Variants in CA3 observed in about 807,000 individuals in gnomAD.
CA3 encodes CA-III.
A neutral mutation model predicts 35.7 loss-of-function variants in CA3; 30 were observed. The ratio of observed to expected loss-of-function variants is 0.84; its 90% CI spans 0.63 to 1.14. The LOEUF (loss-of-function observed/expected upper bound fraction) is 1.14, where lower values mean the gene tolerates loss of function less well. Ranked by LOEUF, CA3 falls within the 50% of genes most tolerant of loss-of-function variation. The probability of loss-of-function intolerance (pLI) is 0.00; values close to 1 mark genes in which losing one functional copy is unlikely to be tolerated. For synonymous variants in CA3, 131 were observed against 130.8 expected (o/e 1.00, Z -0.01); for missense variants, 295 against 328.5 (o/e 0.90, Z 0.79).
intron 6 of CA3, 96 bp downstream of exon 6, chr8:85,446,393 C>T (rs1397274461): frequency 7.4e-7 from 1 of 1,344,632 alleles, no homozygotes; most frequent in Non-Finnish European, 1.0e-6. Flanking sequence ...ACTGGATACT[C>T]ACTGAACAGC....
Position 85,448,095 on chromosome 8 carries a change from G to C in CA3, c.725G>C (p.Ser242Thr). 1 of 1,613,780 alleles carries C rather than the reference G, an allele frequency of 6.2e-7. No individual in the cohort carries two copies. Among genetic ancestry groups the C allele is most frequent in the Non-Finnish European group, 8.5e-7 (1 of 1,179,844 alleles). ...AENEPPVPLV[S>T]NWRPPQPINN... The stretch of plus-strand genomic sequence containing the variant: ...AACGAGCCCCCAGTGCCTCTTGTGA[G>C]CAACTGGCGACCTCCACAGCCTATC... The change falls in exon 7 of 7, where the codon AGC becomes ACC. Residue 242 changes from serine (S) to threonine (T), a missense_variant. Physicochemically the swap from Ser to Thr is moderately conservative, Grantham distance 58. Transcript: ENST00000285381.
chr8:85,447,206 T>G (rs936302413), intron 6 of CA3, among the ~76,000 whole-genome samples: 7 of 152,132 alleles, frequency 4.6e-5, no homozygotes, highest in African/African-American at 1.7e-4. Flanking sequence ...AGAATCATAG[T>G]GTTATTAATG....
At position 85,445,232 on chromosome 8, in the gene CA3, A is replaced by G. The variant is rs747855307; in HGVS notation, c.507+14A>G. The stretch of plus-strand genomic sequence containing the variant: ...ATTAAGACAAAGGTAAACAAAAATC[A>G]TTTTCCCTCCTAAAACATAAAGCAG... On this transcript the variant is annotated intron_variant, in intron 5 of 6. Coordinates refer to ENST00000285381, the MANE Select transcript of CA3 (RefSeq NM_005181.4). 1.9e-6 allele frequency: 3 copies of G among 1,541,660 alleles called. No homozygotes were observed. The Admixed American group carries it at 5.5e-5, about 28-fold the overall frequency.
chr8:85,448,397 A>G lies in CA3; in HGVS notation c.*244A>G. The G allele has an allele frequency of 3.5e-6, 1 of 288,374 alleles. No individual in the cohort carries two copies. Among genetic ancestry groups the G allele is most frequent in the Non-Finnish European group, 6.3e-6 (1 of 158,278 alleles). 17.9% of individuals were successfully genotyped at this position (288,374 alleles called of 1,614,324 possible). On this transcript the variant is annotated 3_prime_UTR_variant, in exon 7 of 7. Transcript: ENST00000285381. ...TAATAATCATCTTTCCTATAAAAGTAGCATTTTTGGTAAAGTTTCAAAGAA... is the reference window on the plus strand; with the variant it reads ...TAATAATCATCTTTCCTATAAAAGTGGCATTTTTGGTAAAGTTTCAAAGAA...
rs950499170 is a variant in CA3, at chr8:85,438,895, C to G, written c.-15C>G. The G allele has an allele frequency of 1.3e-6, 2 of 1,550,982 alleles. No individual in the cohort carries two copies. Among genetic ancestry groups the G allele is most frequent in the Middle Eastern group, 1.8e-4 (1 of 5,570 alleles). On this transcript the variant is annotated 5_prime_UTR_variant, in exon 1 of 7. Coordinates refer to ENST00000285381, the MANE Select transcript of CA3 (RefSeq NM_005181.4). ...AAGAGAAAGCAGGAGCCGTCCAGCACGGAGGAAGGCGACCATGGCCAAGGA... is the reference window on the plus strand; with the variant it reads ...AAGAGAAAGCAGGAGCCGTCCAGCAGGGAGGAAGGCGACCATGGCCAAGGA...
At chr8:85,447,157 G>A (rs552877565) in intron 6 of CA3, among the ~76,000 whole-genome samples, 88 of 152,062 alleles carry the variant, frequency 5.8e-4, no homozygotes, top group Non-Finnish European at 7.6e-4. Context: ...TTGAAAGAAT[G>A]AAATTTTTTC....
intron 6 of CA3, among the ~76,000 whole-genome samples, chr8:85,447,594 C>A (rs1199109470): frequency 6.6e-6 from 1 of 152,152 alleles, no homozygotes; most frequent in Non-Finnish European, 1.5e-5. Context: ...GTTTGCTTGT[C>A]ATGTTTAAAA....
At chr8:85,439,627 T>G in intron 1 of CA3, 85 bp from the exon 2 acceptor site, 2 of 896,330 alleles carry the variant, frequency 2.2e-6, no homozygotes, top group Non-Finnish European at 3.5e-6. Context: ...GTCTAGCCTC[T>G]CTGTATTTTG....
Sources: gnomAD v4.1 joint callset for allele counts (sites outside exome capture counted in the v4.1 genomes callset) on GRCh38, gnomAD v4.1.1 for gene constraint, MANE v1.5 for transcripts, NCBI Gene and HGNC (gene_info 2026-07-23, HGNC 2026-07-21) for gene names.